Variants in EXT1 observed in about 807,000 individuals in gnomAD.
EXT1 encodes exostosin glycosyltransferase 1.
Under a neutral mutation model 82.5 loss-of-function variants are expected in EXT1, and 20 were observed. The ratio of observed to expected loss-of-function variants is 0.24; its 90% CI spans 0.17 to 0.35. EXT1 has a LOEUF of 0.35. EXT1 is among the 10% of genes least tolerant of loss of function. EXT1 has a pLI of 1.00. For synonymous variants in EXT1, 348 were observed against 350.8 expected, an observed-to-expected ratio of 0.99 and a Z score of 0.09; for missense variants, 757 against 936.5, an observed-to-expected ratio of 0.81 and a Z score of 2.50.
intron 1 of EXT1, among the ~76,000 whole-genome samples, chr8:117,972,064 C>T (rs144925754): frequency 4.0e-5 from 6 of 151,298 alleles, no homozygotes; most frequent in African/African-American, 1.2e-4. Context: ...GCAAGAGAAT[C>T]GCTTGAACCT....
chr8:118,031,243 C>T lies in EXT1; in HGVS notation c.962+78842G>A, dbSNP rs139515594. 5.9e-5 allele frequency among the ~76,000 whole-genome samples: 9 copies of T among 152,122 alleles called. No individual in the cohort carries two copies. In the East Asian group the frequency reaches 1.7e-3, roughly 29 times the overall value. The stretch of plus-strand genomic sequence containing the variant: ...AATATACAAATCCTAATATTTTGGC[C>T]GGCAAGGTGACTCACACCTGTAATC... On this transcript the variant is annotated intron_variant, in intron 1 of 10. Transcript: ENST00000378204.
intron 1 of EXT1, among the ~76,000 whole-genome samples, chr8:118,108,364 G>C (rs1000464242): frequency 1.3e-5 from 2 of 152,174 alleles, no homozygotes; most frequent in Admixed American, 1.3e-4. Context: ...TGAAAGGTTA[G>C]ACTTCATCTC....
At chr8:118,055,796 T>TA (rs1209687176) in intron 1 of EXT1, among the ~76,000 whole-genome samples, 1 of 152,260 alleles carries the variant, frequency 6.6e-6, no homozygotes, top group Non-Finnish European at 1.5e-5. Context: ...GAGTGCTTAA[T>TA]AAATATGGGC....
At chr8:117,844,853 T>C (rs1187220239) in intron 1 of EXT1, among the ~76,000 whole-genome samples, 1 of 151,992 alleles carries the variant, frequency 6.6e-6, no homozygotes, top group African/African-American at 2.4e-5. Flanking sequence ...ACTCGCTATT[T>C]GGAGGTGGTA....
chr8:117,830,421 A>C, intron 3 of EXT1, 72 bp from the exon 4 acceptor site: 3 of 1,524,198 alleles, frequency 2.0e-6, no homozygotes, highest in Non-Finnish European at 1.8e-6. Context: ...AAATAACCCA[A>C]CTGGGTTAGG....
At chr8:117,974,239 A>G (rs1374608535) in intron 1 of EXT1, among the ~76,000 whole-genome samples, 1 of 152,220 alleles carries the variant, frequency 6.6e-6, no homozygotes, top group African/African-American at 2.4e-5. Context: ...ATAGTAGTGG[A>G]TGAACTAAGA....
intron 1 of EXT1, among the ~76,000 whole-genome samples, chr8:118,066,900 A>C (rs1816998383): frequency 6.6e-6 from 1 of 152,212 alleles, no homozygotes; most frequent in South Asian, 2.1e-4. Flanking sequence ...TGGAAATAAA[A>C]GTTTTTTAAA....
chr8:118,048,772 C>T (rs1816670337), intron 1 of EXT1, among the ~76,000 whole-genome samples: 1 of 152,176 alleles, frequency 6.6e-6, no homozygotes, highest in Non-Finnish European at 1.5e-5. Flanking sequence ...TAAATTAGCA[C>T]TAGATTGTTC....
intron 1 of EXT1, among the ~76,000 whole-genome samples, chr8:117,973,886 G>GAAAGGAAAGGA (rs747386364): frequency 2.1e-4 from 14 of 67,366 alleles, no homozygotes; most frequent in African/African-American, 7.2e-4. Context: ...GAAAGGAAAG[G>GAAAGGAAAGGA]AAGGAAAGGA....
chr8:117,976,138 C>T (rs17476142), intron 1 of EXT1, among the ~76,000 whole-genome samples: 1 of 152,162 alleles, frequency 6.6e-6, no homozygotes, highest in Non-Finnish European at 1.5e-5. Context: ...CATATTAGAG[C>T]TATTTCTCTA....
chr8:118,048,141 T>G (rs778657873), intron 1 of EXT1, among the ~76,000 whole-genome samples: 27 of 152,096 alleles, frequency 1.8e-4, no homozygotes, highest in Non-Finnish European at 2.9e-4. Flanking sequence ...GGCAAGTCAA[T>G]GCATTGTTCA....
At chr8:118,109,442 AATGC>A (rs66559930) in intron 1 of EXT1, among the ~76,000 whole-genome samples, 87,438 of 150,362 alleles carry the variant, frequency 0.58, 26,036 homozygotes, top group Middle Eastern at 0.73. Context: ...TGAATGAATG[AATGC>A]ATGCATGCAT....
intron 1 of EXT1, among the ~76,000 whole-genome samples, chr8:117,931,456 G>A (rs1814060525): frequency 1.3e-5 from 2 of 151,826 alleles, no homozygotes; most frequent in Admixed American, 6.6e-5. Context: ...TTTTGTGTGG[G>A]GCGGGGGTGT....
intron 1 of EXT1, among the ~76,000 whole-genome samples, chr8:117,864,367 CT>C (rs1212466189): frequency 6.6e-6 from 1 of 152,156 alleles, no homozygotes; most frequent in Non-Finnish European, 1.5e-5. Context: ...GGTGTCCAAT[CT>C]TTTGGCTTTC....
chr8:118,008,228 A>G (rs1815819714), intron 1 of EXT1, among the ~76,000 whole-genome samples: 1 of 151,838 alleles, frequency 6.6e-6, no homozygotes, highest in Non-Finnish European at 1.5e-5. Context: ...GTCTTCCACA[A>G]TGGTTGAGCT....
chr8:117,920,106 T>C (rs550727643), intron 1 of EXT1, among the ~76,000 whole-genome samples: 1 of 152,204 alleles, frequency 6.6e-6, no homozygotes, highest in South Asian at 2.1e-4. Flanking sequence ...TCAATTTTTA[T>C]TTTATTTTAT....
intron 1 of EXT1, among the ~76,000 whole-genome samples, chr8:117,892,433 T>C (rs951727256): frequency 2.0e-5 from 3 of 152,244 alleles, no homozygotes; most frequent in Non-Finnish European, 4.4e-5. Context: ...CTGCTGCTGC[T>C]GCTGCTGTTT....
At chr8:118,096,782 A>G (rs1238638895) in intron 1 of EXT1, among the ~76,000 whole-genome samples, 1 of 152,228 alleles carries the variant, frequency 6.6e-6, no homozygotes, top group Non-Finnish European at 1.5e-5. Context: ...CCATTTGAAC[A>G]TGACAAGAAA....
At chr8:117,965,996 A>ACT in intron 1 of EXT1, among the ~76,000 whole-genome samples, 1 of 142,210 alleles carries the variant, frequency 7.0e-6, no homozygotes, top group Non-Finnish European at 1.5e-5. Context: ...ATGCATATAC[A>ACT]CACACACACA....
Sources: gnomAD v4.1 joint callset for allele counts (sites outside exome capture counted in the v4.1 genomes callset) on GRCh38, gnomAD v4.1.1 for gene constraint, MANE v1.5 for transcripts, NCBI Gene and HGNC (gene_info 2026-07-23, HGNC 2026-07-21) for gene names.